STK39: variants seen among roughly 807,000 people sequenced by gnomAD.
STK39 encodes the protein serine/threonine kinase 39, also known as STE20/SPS1-related proline-alanine-rich protein kinase.
A neutral mutation model predicts 77.8 loss-of-function variants in STK39; 20 were observed. That is an observed-to-expected ratio of 0.26 (90% CI 0.18 to 0.37). The LOEUF (loss-of-function observed/expected upper bound fraction) is 0.37. STK39 is among the 10% of genes least tolerant of loss of function. The probability of loss-of-function intolerance (pLI) is 1.00; values close to 1 mark genes in which losing one functional copy is unlikely to be tolerated. For synonymous variants in STK39, 246 were observed against 234.1 expected, an observed-to-expected ratio of 1.05 and a Z score of -0.47; for missense variants, 479 against 656.5, an observed-to-expected ratio of 0.73 and a Z score of 2.95.
chr2:167,977,092 G>C (rs1683297257), intron 16 of STK39, among the ~76,000 whole-genome samples: 1 of 152,196 alleles, frequency 6.6e-6, no homozygotes, highest in Non-Finnish European at 1.5e-5. Context: ...TCTCCTTACA[G>C]TTCAGGTAAA....
chr2:168,242,016 A>G lies in STK39; in HGVS notation c.208+5212T>C, dbSNP rs527478192. 3.6e-4 allele frequency among the ~76,000 whole-genome samples: 55 copies of G among 152,340 alleles called. 2 individuals carry two copies. The highest frequency in any genetic ancestry group is 6.8e-3 in the Middle Eastern group (2 of 294). On this transcript the variant is annotated intron_variant, in intron 1 of 17. Transcript: ENST00000355999. ...ATTTTCAAACACCATCACAAAATGT[A>G]CTATACAATAAACCATAAAAGTCAG...
At chr2:168,013,756 A>T (rs1396675747) in intron 15 of STK39, among the ~76,000 whole-genome samples, 2 of 151,582 alleles carry the variant, frequency 1.3e-5, no homozygotes, top group African/African-American at 4.9e-5. Flanking sequence ...TCCTTATTTC[A>T]TCTGTGCTTC....
chr2:168,175,538 C>T (rs979555889), intron 2 of STK39, among the ~76,000 whole-genome samples: 4 of 152,162 alleles, frequency 2.6e-5, no homozygotes, highest in African/African-American at 9.7e-5. Flanking sequence ...AGCTACATAA[C>T]TTTTAAATTT....
At chr2:168,205,396 C>G (rs1056104752) in intron 1 of STK39, among the ~76,000 whole-genome samples, 1 of 151,962 alleles carries the variant, frequency 6.6e-6, no homozygotes, top group African/African-American at 2.4e-5. Context: ...CTGTATTTTC[C>G]AATTTTTCTT....
chr2:167,975,426 C>G (rs1683247758), intron 16 of STK39, among the ~76,000 whole-genome samples: 1 of 152,052 alleles, frequency 6.6e-6, no homozygotes, highest in Admixed American at 6.6e-5. Flanking sequence ...AGGACTATAA[C>G]TCACATTACT....
chr2:168,000,424 A>G (rs945820023), intron 16 of STK39, among the ~76,000 whole-genome samples: 1 of 152,220 alleles, frequency 6.6e-6, no homozygotes, highest in Non-Finnish European at 1.5e-5. Flanking sequence ...TGAGGCTGAG[A>G]AGCCCATTAG....
At chr2:168,078,163 C>T (rs1229899286) in intron 10 of STK39, among the ~76,000 whole-genome samples, 1 of 152,168 alleles carries the variant, frequency 6.6e-6, no homozygotes, top group Non-Finnish European at 1.5e-5. Flanking sequence ...TTCATAATCT[C>T]ACAAATTCTT....
At chr2:168,113,904 T>A (rs1008725751) in intron 10 of STK39, among the ~76,000 whole-genome samples, 3 of 152,156 alleles carry the variant, frequency 2.0e-5, no homozygotes, top group Non-Finnish European at 2.9e-5. Flanking sequence ...AGAAATAACA[T>A]ATCACAGAAA....
At chr2:168,066,001 C>A (rs1219612259) in intron 12 of STK39, among the ~76,000 whole-genome samples, 1 of 151,542 alleles carries the variant, frequency 6.6e-6, no homozygotes, top group Non-Finnish European at 1.5e-5. Flanking sequence ...TGCCCTGGAG[C>A]AAAACTTGAA....
intron 14 of STK39, among the ~76,000 whole-genome samples, chr2:168,043,074 C>G (rs939675745): frequency 6.6e-6 from 1 of 152,124 alleles, no homozygotes; most frequent in Non-Finnish European, 1.5e-5. Flanking sequence ...TCTACCTGGC[C>G]CCTCCGTCCC....
chr2:168,247,539 C>CCCGG lies in STK39; in HGVS notation c.-105_-104insCCGG. 3 of 955,130 alleles carry CCCGG rather than the reference C, an allele frequency of 3.1e-6. No individual in the cohort carries two copies. The highest frequency in any genetic ancestry group is 2.6e-6 in the Non-Finnish European group (2 of 777,018). The allele number at this position is 955,130 out of a possible 1,614,324, so 59.2% of individuals were successfully genotyped here. A position where few individuals can be genotyped will look rare whatever the true frequency, so the allele number is the denominator to read the frequency against. On this transcript the variant is annotated 5_prime_UTR_variant, in exon 1 of 18. Coordinates refer to ENST00000355999, the MANE Select transcript of STK39 (RefSeq NM_013233.3). ...ACACCTCTCGGCCGGCGCACGCCCT[C>CCCGG]CCCGCCCGCCGCCGCCGCCGCCGTC... is the stretch of plus-strand genomic sequence containing the variant.
At chr2:168,101,295 T>G (rs1482707701) in intron 10 of STK39, among the ~76,000 whole-genome samples, 2 of 152,128 alleles carry the variant, frequency 1.3e-5, no homozygotes, top group Non-Finnish European at 2.9e-5. Flanking sequence ...CCATGGCACA[T>G]GTATACCTAT....
At chr2:168,088,198 A>T (rs1386158478) in intron 10 of STK39, among the ~76,000 whole-genome samples, 1 of 152,202 alleles carries the variant, frequency 6.6e-6, no homozygotes, top group Non-Finnish European at 1.5e-5. Context: ...TCAACATACA[A>T]ATGTATGCAA....
At chr2:168,185,990 T>G (rs1689199129) in intron 1 of STK39, among the ~76,000 whole-genome samples, 1 of 152,164 alleles carries the variant, frequency 6.6e-6, no homozygotes, top group South Asian at 2.1e-4. Context: ...GTGGACTGAA[T>G]GTCTGTGTTC....
At chr2:168,245,600 G>A (rs1690877169) in intron 1 of STK39, among the ~76,000 whole-genome samples, 2 of 152,228 alleles carry the variant, frequency 1.3e-5, no homozygotes, top group Admixed American at 6.5e-5. Context: ...GCACTCACAG[G>A]AGGGAAGAGC....
chr2:168,155,450 A>C (rs1363780058), intron 5 of STK39, among the ~76,000 whole-genome samples: 2 of 152,202 alleles, frequency 1.3e-5, no homozygotes, highest in Non-Finnish European at 2.9e-5. Context: ...TATGCCAAAA[A>C]AAAATTCATG....
At chr2:168,110,717 A>G (rs1178158059) in intron 10 of STK39, among the ~76,000 whole-genome samples, 1 of 152,100 alleles carries the variant, frequency 6.6e-6, no homozygotes, top group Non-Finnish European at 1.5e-5. Flanking sequence ...GTCTATCCCT[A>G]ATGTCACAAT....
chr2:168,091,692 T>G (rs544697240), intron 10 of STK39, among the ~76,000 whole-genome samples: 2 of 152,152 alleles, frequency 1.3e-5, no homozygotes, highest in South Asian at 4.1e-4. Context: ...TGTTACCTTT[T>G]TTTTAATGAA....
intron 17 of STK39, among the ~76,000 whole-genome samples, chr2:167,958,658 T>G (rs1364366249): frequency 1.3e-5 from 2 of 152,212 alleles, no homozygotes; most frequent in Non-Finnish European, 2.9e-5. Flanking sequence ...CAAATATATA[T>G]GAAAGAGGGA....
Sources: gnomAD v4.1 joint callset for allele counts (sites outside exome capture counted in the v4.1 genomes callset) on GRCh38, gnomAD v4.1.1 for gene constraint, MANE v1.5 for transcripts, NCBI Gene and HGNC (gene_info 2026-07-23, HGNC 2026-07-21) for gene names.